MAGI2: variants seen among roughly 807,000 people sequenced by gnomAD.
MAGI2 encodes the protein membrane associated guanylate kinase, WW and PDZ domain containing 2, also known as membrane-associated guanylate kinase, WW and PDZ domain-containing protein 2.
In MAGI2, 35 loss-of-function variants were observed where a neutral mutation model predicts 133.3. The observed-to-expected ratio is 0.26, with a 90% confidence interval of 0.20 to 0.35. The LOEUF (loss-of-function observed/expected upper bound fraction) is 0.35. Among genes scored for constraint, MAGI2 ranks in the 10% least tolerant of loss-of-function variants. The pLI, the probability that MAGI2 is intolerant of heterozygous loss-of-function variation, is 1.00. For synonymous variants in MAGI2, 729 were observed against 710.6 expected, an observed-to-expected ratio of 1.03 and a Z score of -0.41; for missense variants, 1,636 against 1,863.4, an observed-to-expected ratio of 0.88 and a Z score of 2.25.
At chr7:78,030,327 G>T (rs1440255153) in intron 21 of MAGI2, among the ~76,000 whole-genome samples, 1 of 152,128 alleles carries the variant, frequency 6.6e-6, no homozygotes, top group African/African-American at 2.4e-5. Context: ...GCAATGGTGC[G>T]ATCTCAGCTC....
intron 10 of MAGI2, among the ~76,000 whole-genome samples, chr7:78,237,024 A>T (rs1393755859): frequency 3.3e-5 from 5 of 152,182 alleles, no homozygotes; most frequent in African/African-American, 7.2e-5. Context: ...TGATTCAGTT[A>T]TCTCTCACCA....
intron 1 of MAGI2, among the ~76,000 whole-genome samples, chr7:79,398,777 A>AT (rs1038303028): frequency 3.3e-5 from 5 of 152,096 alleles, no homozygotes; most frequent in Admixed American, 2.0e-4. Context: ...AGATTATCTA[A>AT]TTTTTTTCTT....
intron 2 of MAGI2, among the ~76,000 whole-genome samples, chr7:79,000,879 C>T (rs762749309): frequency 2.8e-4 from 42 of 152,238 alleles, no homozygotes; most frequent in Non-Finnish European, 5.0e-4. Context: ...TCAGGTCTTC[C>T]ACAAAACTAA....
chr7:78,947,712 T>C (rs1409329245), intron 2 of MAGI2, among the ~76,000 whole-genome samples: 4 of 152,236 alleles, frequency 2.6e-5, no homozygotes. Flanking sequence ...CACATACACA[T>C]GAATTACAGA....
chr7:78,607,308 G>T (rs554789424), intron 3 of MAGI2, among the ~76,000 whole-genome samples: 1 of 151,910 alleles, frequency 6.6e-6, no homozygotes, highest in South Asian at 2.1e-4. Flanking sequence ...TTTGAATCTG[G>T]GTTGATTGAC....
chr7:79,004,375 T>A (rs112475428), intron 2 of MAGI2, among the ~76,000 whole-genome samples: 8,501 of 152,186 alleles, frequency 0.056, 275 homozygotes, highest in Non-Finnish European at 0.081. Flanking sequence ...AAAAATAACA[T>A]GTTCTTACTC....
Position 79,083,682 on chromosome 7 carries a change from A to T in MAGI2, c.302-76476T>A, listed in dbSNP as rs117535100. On this transcript the variant is annotated intron_variant, in intron 1 of 21. Transcript: ENST00000354212. ...TATTATACCAGAGTAATAGCCTCAG[A>T]AAATAACTTGGACAGTTTTGCCTCC... Among the ~76,000 whole-genome samples, 842 of 151,814 alleles carry T rather than the reference A, an allele frequency of 5.5e-3. 2 individuals are homozygous for T. The highest frequency in any genetic ancestry group is 9.4e-3 in the Non-Finnish European group (639 of 67,696).
chr7:79,221,527 C>T (rs1261023037), intron 1 of MAGI2, among the ~76,000 whole-genome samples: 1 of 151,986 alleles, frequency 6.6e-6, no homozygotes, highest in Non-Finnish European at 1.5e-5. Flanking sequence ...AAATGACTTA[C>T]TATCATCTTT....
At position 79,421,865 on chromosome 7, in the gene MAGI2, A is replaced by G. The variant is rs35280428; in HGVS notation, c.301+31155T>C. On this transcript the variant is annotated intron_variant, in intron 1 of 21. Coordinates refer to ENST00000354212, the MANE Select transcript of MAGI2 (RefSeq NM_012301.4). ...TGCATATGTCATTTATAAATTTTCA[A>G]TATGCTGATTTATCATTTCTAGTCT... Among the ~76,000 whole-genome samples the G allele has an allele frequency of 5.6e-3, 852 of 152,160 alleles. 10 individuals carry two copies. Among genetic ancestry groups the G allele is most frequent in the African/African-American group, 0.019 (793 of 41,566 alleles).
intron 9 of MAGI2, among the ~76,000 whole-genome samples, chr7:78,267,246 C>G (rs1481024426): frequency 6.6e-6 from 1 of 152,150 alleles, no homozygotes; most frequent in East Asian, 1.9e-4. Context: ...GAATATTTCT[C>G]CCATATGGAT....
At chr7:78,714,629 G>A (rs1425137304) in intron 2 of MAGI2, among the ~76,000 whole-genome samples, 1 of 152,180 alleles carries the variant, frequency 6.6e-6, no homozygotes, top group Non-Finnish European at 1.5e-5. Flanking sequence ...AGCAGAGTGT[G>A]TTTGTTGTAC....
At chr7:78,760,882 C>T (rs1482799030) in intron 2 of MAGI2, among the ~76,000 whole-genome samples, 2 of 152,122 alleles carry the variant, frequency 1.3e-5, no homozygotes, top group Admixed American at 6.5e-5. Context: ...ATTGGAAAAA[C>T]GAGATTACCT....
chr7:79,074,952 G>C (rs1319318173), intron 1 of MAGI2, among the ~76,000 whole-genome samples: 1 of 152,104 alleles, frequency 6.6e-6, no homozygotes, highest in Non-Finnish European at 1.5e-5. Flanking sequence ...TTGGTATAAT[G>C]GTTCAAATAT....
intron 21 of MAGI2, among the ~76,000 whole-genome samples, chr7:78,057,977 GTA>G (rs58788674): frequency 0.041 from 4,378 of 106,472 alleles, 437 homozygotes; most frequent in African/African-American, 0.099. Flanking sequence ...ATATATATGT[GTA>G]TATATATATA....
At chr7:78,307,923 G>A (rs143538121) in intron 9 of MAGI2, among the ~76,000 whole-genome samples, 123 of 152,260 alleles carry the variant, frequency 8.1e-4, no homozygotes, top group African/African-American at 2.8e-3. Flanking sequence ...CCCAAGCAAG[G>A]TGCTAGAGGC....
chr7:79,279,862 G>A (rs1277391029), intron 1 of MAGI2, among the ~76,000 whole-genome samples: 1 of 152,110 alleles, frequency 6.6e-6, no homozygotes, highest in Non-Finnish European at 1.5e-5. Context: ...AATTTTTAAT[G>A]AGAAAATATT....
At chr7:78,735,304 C>A (rs1323431335) in intron 2 of MAGI2, among the ~76,000 whole-genome samples, 2 of 152,112 alleles carry the variant, frequency 1.3e-5, no homozygotes, top group South Asian at 2.1e-4. Flanking sequence ...ATACAGACAA[C>A]CCTGAAGGAC....
intron 2 of MAGI2, among the ~76,000 whole-genome samples, chr7:78,841,767 T>A (rs1303336605): frequency 1.3e-5 from 2 of 152,050 alleles, no homozygotes; most frequent in African/African-American, 4.8e-5. Flanking sequence ...TCCGGGAGAA[T>A]TCCTGTTGTG....
intron 2 of MAGI2, among the ~76,000 whole-genome samples, chr7:78,924,740 G>A (rs1799554182): frequency 6.6e-6 from 1 of 151,458 alleles, no homozygotes; most frequent in African/African-American, 2.4e-5. Context: ...CCTGTTCTAG[G>A]ATCAGTGCCT....
Sources: gnomAD v4.1 joint callset for allele counts (sites outside exome capture counted in the v4.1 genomes callset) on GRCh38, gnomAD v4.1.1 for gene constraint, MANE v1.5 for transcripts, NCBI Gene and HGNC (gene_info 2026-07-23, HGNC 2026-07-21) for gene names.